The following SPEN variants were observed in gnomAD, a reference collection of about 807,000 sequenced individuals.
The protein encoded by SPEN is msx2-interacting protein.
In SPEN, 18 loss-of-function variants were observed where a neutral mutation model predicts 269.9. The ratio of observed to expected loss-of-function variants is 0.07; its 90% CI spans 0.05 to 0.10. SPEN has a LOEUF of 0.10. SPEN is among the 10% of genes least tolerant of loss of function. The probability of loss-of-function intolerance (pLI) is 1.00; values close to 1 mark genes in which losing one functional copy is unlikely to be tolerated. For synonymous variants in SPEN, 1,726 were observed against 1,765.7 expected, an observed-to-expected ratio of 0.98 and a Z score of 0.56; for missense variants, 3,822 against 4,631.2, an observed-to-expected ratio of 0.83 and a Z score of 5.07.
chr1:15,855,677 C>G (rs2070379145), intron 1 of SPEN, among the ~76,000 whole-genome samples: 1 of 151,870 alleles, frequency 6.6e-6, no homozygotes, highest in Non-Finnish European at 1.5e-5. Context: ...GCCTGGCCAA[C>G]ATGGTGAAAC....
Position 15,921,000 on chromosome 1 carries a change from T to TAAACAA in SPEN, c.1749+22_1749+23insAAAACA. On this transcript the variant is annotated intron_variant, in intron 9 of 14. Coordinates refer to ENST00000375759, the MANE Select transcript of SPEN (RefSeq NM_015001.3). ...AAAATTAAGGTGTGCAGAATGACTTTAAACAGAAGCAAAACAAAGTCCTAT... is the reference window on the plus strand; with the variant it reads ...AAAATTAAGGTGTGCAGAATGACTTTAAACAAAAACAGAAGCAAAACAAAGTCCTAT... 1 of 1,512,324 alleles carries TAAACAA rather than the reference T, an allele frequency of 6.6e-7. No individual in the cohort carries two copies. Among genetic ancestry groups the TAAACAA allele is most frequent in the Non-Finnish European group, 9.2e-7 (1 of 1,092,524 alleles). The allele number at this position is 1,512,324 out of a possible 1,614,324, so 93.7% of individuals were successfully genotyped here.
chr1:15,876,471 C>T lies in SPEN; in HGVS notation c.674C>T (p.Thr225Ile). Residue 225 changes from threonine to isoleucine, a missense_variant, in exon 3 of 15, where the codon ACC becomes ATC. By Grantham distance (89) the Thr-to-Ile change is moderately conservative (BLOSUM62 -1). Coordinates refer to ENST00000375759, the MANE Select transcript of SPEN (RefSeq NM_015001.3). Reference sequence around the variant, plus strand: ...AGGGATATCTACAGGGATGATATTACCCGGGAGGTACGAGGCAGAAGGCCA... The same window carrying T: ...AGGGATATCTACAGGGATGATATTATCCGGGAGGTACGAGGCAGAAGGCCA... ...VHRDIYRDDI[T>I]REVRGRRPER... 1.2e-6 allele frequency: 2 copies of T among 1,614,010 alleles called. No homozygotes were observed. The highest frequency in any genetic ancestry group is 1.7e-6 in the Non-Finnish European group (2 of 1,179,992).
At chr1:15,884,701 CTTTCCT>C (rs372105964) in intron 3 of SPEN, among the ~76,000 whole-genome samples, 14 of 150,470 alleles carry the variant, frequency 9.3e-5, no homozygotes, top group South Asian at 2.1e-4. Context: ...AAGTCAATTC[CTTTCCT>C]TTTCCTTTTC....
chr1:15,936,366 T>C lies in SPEN; in HGVS notation c.10026+100T>C, dbSNP rs560491282. 2.1e-6 allele frequency: 3 copies of C among 1,415,908 alleles called. No individual in the cohort carries two copies. In the Admixed American group the frequency reaches 8.3e-5, roughly 39 times the overall value. 87.7% of individuals were successfully genotyped at this position (1,415,908 alleles called of 1,614,324 possible). ...TGTGTGAAAGAAATCAGGGGCCAGG[T>C]GTGGTGGCTTATGCCTGTAATCCCA... is the stretch of plus-strand genomic sequence containing the variant. On this transcript the variant is annotated intron_variant, in intron 11 of 14. Coordinates refer to ENST00000375759, the MANE Select transcript of SPEN (RefSeq NM_015001.3).
At chr1:15,884,987 T>C (rs1427518753) in intron 3 of SPEN, among the ~76,000 whole-genome samples, 1 of 152,144 alleles carries the variant, frequency 6.6e-6, no homozygotes, top group African/African-American at 2.4e-5. Context: ...TGCCTCCGCC[T>C]CCCAAAGTGC....
chr1:15,916,155 C>A lies in SPEN; in HGVS notation c.1271C>A (p.Pro424His). 1 of 1,611,868 alleles carries A rather than the reference C, an allele frequency of 6.2e-7. No individual in the cohort carries two copies. The highest frequency in any genetic ancestry group is 8.5e-7 in the Non-Finnish European group (1 of 1,179,354). ...ACAGAAAGTGAAAATGAATTTCGCC[C>A]CTTGGATGAAAGGATAGATGAATTT... The part of the protein sequence containing the change: ...PETESENEFR[P>H]LDERIDEFHP... Residue 424 changes from proline (P) to histidine (H), a missense_variant, in exon 6 of 15, where the codon CCC becomes CAC. By Grantham distance (77) the Pro-to-His change is moderately conservative. Transcript: ENST00000375759.
In SPEN at chr1:15,929,901, G is replaced by T; in HGVS notation, c.3661G>T (p.Asp1221Tyr). The change falls in exon 11 of 15, where the codon GAC becomes TAC. Residue 1221 changes from aspartate (D) to tyrosine (Y), a missense_variant. Physicochemically the swap from Asp to Tyr is radical, Grantham distance 160. Transcript: ENST00000375759. The surrounding 1 kb of genome is among the most constrained non-coding windows in gnomAD (Gnocchi z 5.8). ...VGKPPQDVTD[D>Y]SPPSKKKRMD... ...CAAACCCCCTCAAGATGTCACTGAT[G>T]ACTCTCCTCCTAGCAAAAAGAAAAG... is the stretch of plus-strand genomic sequence containing the variant. 6.2e-7 allele frequency: 1 copy of T among 1,614,140 alleles called. No homozygotes were observed. The highest frequency in any genetic ancestry group is 1.1e-5 in the South Asian group (1 of 91,072).
At position 15,935,153 on chromosome 1, in the gene SPEN, G is replaced by A; in HGVS notation, c.8913G>A (p.Lys2971=). Residue 2971 remains lysine, a synonymous_variant, in exon 11 of 15, where the codon AAG becomes AAA. Transcript: ENST00000375759. This position sits in a 1 kb window ranked among gnomAD's most constrained non-coding sequence, Gnocchi z 7.7. ...ADPVTLKIET[K]VLQPANLGST... The stretch of plus-strand genomic sequence containing the variant: ...CCGTCACCCTTAAAATCGAGACCAA[G>A]GTCCTTCAGCCGGCCAACCTGGGGT... The A allele has an allele frequency of 6.2e-7, 1 of 1,613,990 alleles. No homozygotes were observed. Among genetic ancestry groups the A allele is most frequent in the South Asian group, 1.1e-5 (1 of 91,074 alleles).
intron 3 of SPEN, among the ~76,000 whole-genome samples, chr1:15,883,311 A>G (rs1184408520): frequency 3.9e-5 from 6 of 152,244 alleles, no homozygotes; most frequent in African/African-American, 9.6e-5. Flanking sequence ...AGGAAAGCAT[A>G]TAGAAGAACT....
chr1:15,935,525 G>C lies in SPEN; in HGVS notation c.9285G>C (p.Gln3095His). The change falls in exon 11 of 15, where the codon CAG becomes CAC. Residue 3095 changes from glutamine to histidine, a missense_variant. Around this residue, in one of 16 missense-constraint regions of SPEN, gnomAD observed 153 missense variants for 228.5 expected, o/e 0.67. Transcript: ENST00000375759. This position sits in a 1 kb window ranked among gnomAD's most constrained non-coding sequence, Gnocchi z 7.7. ...CTGTGTCCCTGAGCCACCTCTCCCA[G>C]GGCGAGGTGAGAATGAACACTCCCA... ...TQTVSLSHLS[Q>H]GEVRMNTPTL... 6.2e-7 allele frequency: 1 copy of C among 1,614,054 alleles called. No homozygotes were observed. Among genetic ancestry groups the C allele is most frequent in the Non-Finnish European group, 8.5e-7 (1 of 1,180,002 alleles).
In SPEN at chr1:15,848,436, G is replaced by A. The variant is rs2070298456; in HGVS notation, c.83+286G>A. Among the ~76,000 whole-genome samples the A allele has an allele frequency of 6.6e-6, 1 of 151,688 alleles. No homozygotes were observed. Among genetic ancestry groups the A allele is most frequent in the South Asian group, 2.1e-4 (1 of 4,834 alleles). ...GAGGCTCGGCCTCCACGCAGCCGGC[G>A]CCCCGGGGCTGCCCTCGCGTCAGCC... On this transcript the variant is annotated intron_variant, in intron 1 of 14. Coordinates refer to ENST00000375759, the MANE Select transcript of SPEN (RefSeq NM_015001.3). This position sits in a 1 kb window ranked among gnomAD's most constrained non-coding sequence, Gnocchi z 5.1.
chr1:15,933,356 G>C lies in SPEN; in HGVS notation c.7116G>C (p.Gly2372=). The change falls in exon 11 of 15, where the codon GGG becomes GGC. Residue 2372 remains glycine (G), a synonymous_variant. Coordinates refer to ENST00000375759, the MANE Select transcript of SPEN (RefSeq NM_015001.3). This position sits in a 1 kb window ranked among gnomAD's most constrained non-coding sequence, Gnocchi z 5.7. ...AQGESPAANE[G]TTVQHPEAPQ... ...GTGAGAGTCCTGCTGCAAATGAGGGGACAACAGTACAGCACCCCGAAGCCC... is the reference window on the plus strand; with the variant it reads ...GTGAGAGTCCTGCTGCAAATGAGGGCACAACAGTACAGCACCCCGAAGCCC... The C allele has an allele frequency of 6.2e-7, 1 of 1,614,122 alleles. No individual in the cohort carries two copies. The highest frequency in any genetic ancestry group is 8.5e-7 in the Non-Finnish European group (1 of 1,180,024).
chr1:15,859,798 T>C (rs1402604511), intron 1 of SPEN, among the ~76,000 whole-genome samples: 1 of 152,114 alleles, frequency 6.6e-6, no homozygotes, highest in African/African-American at 2.4e-5. Flanking sequence ...AGACTTCTTA[T>C]TTCTGGAGAA....
intron 3 of SPEN, among the ~76,000 whole-genome samples, chr1:15,905,653 A>C (rs1191363950): frequency 6.6e-6 from 1 of 150,962 alleles, no homozygotes; most frequent in African/African-American, 2.4e-5. Context: ...GCTCACTGCA[A>C]CCTCCACCTC....
chr1:15,901,710 G>C (rs370007008), intron 3 of SPEN, among the ~76,000 whole-genome samples: 1 of 151,250 alleles, frequency 6.6e-6, no homozygotes, highest in South Asian at 2.1e-4. Context: ...CATCAGAAGT[G>C]GTGGAGTTGA....
rs2071046847 is a variant in SPEN, at chr1:15,915,205, A to G, written c.1244-923A>G. Among the ~76,000 whole-genome samples the G allele has an allele frequency of 2.0e-5, 3 of 152,316 alleles. No homozygotes were observed. In the South Asian group the frequency reaches 6.2e-4, roughly 32 times the overall value. On this transcript the variant is annotated intron_variant, in intron 5 of 14. Transcript: ENST00000375759. Reference sequence around the variant, plus strand: ...GGGGTTTAAAATCTATTTCTGTGTCAGTGATTATTTTTAAAACAAATCAGG... The same window carrying G: ...GGGGTTTAAAATCTATTTCTGTGTCGGTGATTATTTTTAAAACAAATCAGG...
At chr1:15,854,379 C>T (rs2148701975) in intron 1 of SPEN, among the ~76,000 whole-genome samples, 1 of 152,172 alleles carries the variant, frequency 6.6e-6, no homozygotes. Context: ...TTTCTTTAAA[C>T]TTATTATTTT....
At chr1:15,887,521 T>G (rs1489602289) in intron 3 of SPEN, among the ~76,000 whole-genome samples, 1 of 146,708 alleles carries the variant, frequency 6.8e-6, no homozygotes, top group Non-Finnish European at 1.5e-5. Context: ...GGTCTTGATC[T>G]CCTGACCTCA....
At chr1:15,885,893 T>C (rs1387637723) in intron 3 of SPEN, among the ~76,000 whole-genome samples, 2 of 152,202 alleles carry the variant, frequency 1.3e-5, no homozygotes, top group African/African-American at 4.8e-5. Context: ...TTTTGGCTCC[T>C]GTATTGCTTG....
Sources: allele counts gnomAD v4.1 joint callset (sites outside exome capture counted in the v4.1 genomes callset), GRCh38; gene constraint gnomAD v4.1.1; regional missense constraint gnomAD v4.1.1; non-coding constraint Gnocchi (gnomAD v3.1); transcripts MANE v1.5; gene names NCBI Gene and HGNC (gene_info 2026-07-23, HGNC 2026-07-21).